SDK1: variants seen among roughly 807,000 people sequenced by gnomAD.
SDK1 encodes the protein sidekick cell adhesion molecule 1.
In SDK1, 157 loss-of-function variants were observed where a neutral mutation model predicts 245.5. The observed-to-expected ratio is 0.64, with a 90% CI of 0.56 to 0.73. SDK1 has a LOEUF of 0.73. Ranked by LOEUF, SDK1 falls within the 30% of genes least tolerant of loss-of-function variation. The pLI, the probability that SDK1 is intolerant of heterozygous loss-of-function variation, is 0.00. For synonymous variants in SDK1, 1,647 were observed against 1,278.5 expected, an observed-to-expected ratio of 1.29 and a Z score of -6.15; for missense variants, 3,583 against 3,002.3, an observed-to-expected ratio of 1.19 and a Z score of -4.52.
chr7:4,007,430 C>T (rs913140118), intron 14 of SDK1, among the ~76,000 whole-genome samples: 1 of 152,108 alleles, frequency 6.6e-6, no homozygotes, highest in Non-Finnish European at 1.5e-5. Flanking sequence ...TACAGGAAGC[C>T]TCGGGGCAGG....
intron 7 of SDK1, chr7:3,958,214 A>G (rs979597784): frequency 1.6e-5 from 5 of 320,182 alleles, no homozygotes; most frequent in Non-Finnish European, 3.0e-5. Context: ...TGAAATCACC[A>G]CCACCTTAAT....
intron 17 of SDK1, among the ~76,000 whole-genome samples, chr7:4,027,328 G>A (rs149872031): frequency 4.6e-5 from 7 of 152,276 alleles, no homozygotes; most frequent in East Asian, 1.9e-4. Context: ...TTAGAATATC[G>A]GCAAGTGCAC....
Position 3,907,033 on chromosome 7 carries a change from T to C in SDK1, c.848-43890T>C, listed in dbSNP as rs1193273969. On this transcript the variant is annotated intron_variant, in intron 5 of 44. Coordinates refer to ENST00000404826, the MANE Select transcript of SDK1 (RefSeq NM_152744.4). Reference sequence around the variant, plus strand: ...CCTTCTTATATTTCACCTAGAATCTTACGTCCTTGTAGCAGGAATAGGGTC... The same window carrying C: ...CCTTCTTATATTTCACCTAGAATCTCACGTCCTTGTAGCAGGAATAGGGTC... Among the ~76,000 whole-genome samples, 4 of 152,234 alleles carry C rather than the reference T, an allele frequency of 2.6e-5. No individual in the cohort carries two copies. The East Asian group carries it at 7.7e-4, about 29-fold the overall frequency.
chr7:3,674,553 G>C (rs1783828664), intron 4 of SDK1, among the ~76,000 whole-genome samples: 2 of 152,158 alleles, frequency 1.3e-5, no homozygotes, highest in South Asian at 2.1e-4. Flanking sequence ...ATGTAGTGTG[G>C]AGTAAGAGCT....
chr7:4,003,740 C>G (rs1277201053), intron 14 of SDK1, among the ~76,000 whole-genome samples: 1 of 152,222 alleles, frequency 6.6e-6, no homozygotes, highest in Non-Finnish European at 1.5e-5. Flanking sequence ...GGGCTAGACT[C>G]TCAGCAGCAC....
chr7:3,703,791 C>G (rs573291156), intron 4 of SDK1, among the ~76,000 whole-genome samples: 2 of 152,116 alleles, frequency 1.3e-5, no homozygotes, highest in African/African-American at 4.8e-5. Context: ...AAATATCTGT[C>G]GTTGGCTTCC....
intron 1 of SDK1, among the ~76,000 whole-genome samples, chr7:3,553,460 T>G (rs1391038947): frequency 6.6e-6 from 1 of 152,094 alleles, no homozygotes. Context: ...CAAGATGGTT[T>G]GGGGCCCAGG....
In SDK1 at chr7:3,950,937, C is replaced by T. The variant is rs543392497; in HGVS notation, c.862C>T (p.Pro288Ser). 81 of 1,613,776 alleles carry T rather than the reference C, an allele frequency of 5.0e-5. No individual in the cohort carries two copies. Among genetic ancestry groups the T allele is most frequent in the Admixed American group, 4.3e-4 (26 of 60,012 alleles). ...HLSIARDVGT[P>S]ETMAPTIVVP... Reference sequence around the variant, plus strand: ...CTCTGCCACAGGAGATGTTGGCACACCTGAAACCATGGCCCCAACCATTGT... The same window carrying T: ...CTCTGCCACAGGAGATGTTGGCACATCTGAAACCATGGCCCCAACCATTGT... Residue 288 changes from proline to serine, a missense_variant, in exon 6 of 45, where the codon CCT (proline) becomes TCT (serine). By Grantham distance (74) the Pro-to-Ser change is moderately conservative. Coordinates refer to ENST00000404826, the MANE Select transcript of SDK1 (RefSeq NM_152744.4).
chr7:3,903,623 A>G (rs1781866807), intron 5 of SDK1, among the ~76,000 whole-genome samples: 1 of 152,214 alleles, frequency 6.6e-6, no homozygotes, highest in Admixed American at 6.5e-5. Flanking sequence ...ACTCCTAGGT[A>G]TGTATGCAAG....
intron 4 of SDK1, among the ~76,000 whole-genome samples, chr7:3,662,567 C>G (rs1783399526): frequency 6.6e-6 from 1 of 152,172 alleles, no homozygotes; most frequent in Non-Finnish European, 1.5e-5. Flanking sequence ...AGGGTGCTGA[C>G]AAGGGCCGCT....
intron 1 of SDK1, among the ~76,000 whole-genome samples, chr7:3,332,829 T>C (rs1377820214): frequency 1.3e-5 from 2 of 152,228 alleles, no homozygotes; most frequent in Non-Finnish European, 2.9e-5. Context: ...CCAAGTTTTT[T>C]ATGTGATTCT....
chr7:3,905,344 T>G (rs1778863456), intron 5 of SDK1, among the ~76,000 whole-genome samples: 1 of 152,218 alleles, frequency 6.6e-6, no homozygotes, highest in African/African-American at 2.4e-5. Flanking sequence ...AATGTTACTC[T>G]CATTCTTGAA....
chr7:3,467,496 T>C (rs1466451537), intron 1 of SDK1, among the ~76,000 whole-genome samples: 1 of 151,882 alleles, frequency 6.6e-6, no homozygotes, highest in Admixed American at 6.6e-5. Flanking sequence ...TTTTGATTGG[T>C]ATTTGGAGAA....
chr7:4,045,461 G>T (rs1788951631), intron 17 of SDK1, among the ~76,000 whole-genome samples: 1 of 151,834 alleles, frequency 6.6e-6, no homozygotes, highest in African/African-American at 2.4e-5. Context: ...ACCCAGACTG[G>T]TTTCAACCTC....
At chr7:3,897,099 C>G (rs1781629774) in intron 5 of SDK1, among the ~76,000 whole-genome samples, 1 of 152,104 alleles carries the variant, frequency 6.6e-6, no homozygotes, top group Non-Finnish European at 1.5e-5. Context: ...GGAAATTCAC[C>G]CCTTAATTCA....
chr7:4,005,888 G>A (rs1204473516), intron 14 of SDK1, among the ~76,000 whole-genome samples: 4 of 151,986 alleles, frequency 2.6e-5, no homozygotes, highest in Non-Finnish European at 4.4e-5. Context: ...AAAATTAGCC[G>A]GGCACGGTGG....
intron 5 of SDK1, among the ~76,000 whole-genome samples, chr7:3,874,304 C>G (rs1781023314): frequency 6.6e-6 from 1 of 152,218 alleles, no homozygotes; most frequent in African/African-American, 2.4e-5. Flanking sequence ...GTTTCCCTGA[C>G]TTGACTTTGA....
intron 1 of SDK1, among the ~76,000 whole-genome samples, chr7:3,484,193 C>T (rs1364534610): frequency 2.0e-5 from 3 of 152,176 alleles, no homozygotes; most frequent in East Asian, 1.9e-4. Context: ...GCCAAACCCA[C>T]GGATACAAAA....
intron 1 of SDK1, among the ~76,000 whole-genome samples, chr7:3,391,873 C>T (rs1262500717): frequency 1.3e-5 from 2 of 151,662 alleles, no homozygotes; most frequent in Non-Finnish European, 2.9e-5. Flanking sequence ...AAGCAATGCA[C>T]CTGCGTTGCC....
Sources: allele counts gnomAD v4.1 joint callset (sites outside exome capture counted in the v4.1 genomes callset), GRCh38; gene constraint gnomAD v4.1.1; transcripts MANE v1.5; gene names NCBI Gene and HGNC (gene_info 2026-07-23, HGNC 2026-07-21).